Variants in DHRSX observed in about 807,000 individuals in gnomAD.
DHRSX encodes polyprenol dehydrogenase.
DHRSX carries 31 observed loss-of-function variants against 34.0 expected under a neutral mutation model. That is an observed-to-expected ratio of 0.91 (90% CI 0.69 to 1.23). DHRSX has a LOEUF of 1.23. Among genes scored for constraint, DHRSX ranks in the 50% most tolerant of loss-of-function variants. The pLI is 0.00. For synonymous variants in DHRSX, 201 were observed against 183.8 expected (o/e 1.09, Z -0.76); for missense variants, 414 against 428.1 (o/e 0.97, Z 0.29).
At chrX:2,325,589 G>C (rs2042376117) in intron 3 of DHRSX, among the ~76,000 whole-genome samples, 1 of 151,948 alleles carries the variant, frequency 6.6e-6, no homozygotes, top group South Asian at 2.1e-4. Flanking sequence ...CTTTCCTGTG[G>C]GCTATGTAAA....
In DHRSX at chrX:2,265,957, T is replaced by C. The variant is rs748087357; in HGVS notation, c.596+783A>G. Among the ~76,000 whole-genome samples, 19 of 137,974 alleles carry C rather than the reference T, an allele frequency of 1.4e-4. No individual in the cohort carries two copies. The East Asian group carries it at 2.8e-3, about 20-fold the overall frequency. 90.5% of individuals were successfully genotyped at this position (137,974 alleles called of 152,430 possible). On this transcript the variant is annotated intron_variant, in intron 5 of 6. Coordinates refer to ENST00000334651, the MANE Select transcript of DHRSX (RefSeq NM_145177.3). ...GGGAGCACTGTCCCCAGAGCACCAG[T>C]GTACAGCAGATGCAGGGAGCACTGT...
At chrX:2,430,691 A>T (rs1010172562) in intron 1 of DHRSX, among the ~76,000 whole-genome samples, 2 of 151,838 alleles carry the variant, frequency 1.3e-5, no homozygotes, top group African/African-American at 4.8e-5. Flanking sequence ...CTGGCCCATC[A>T]TGTTCCTTCT....
intron 1 of DHRSX, among the ~76,000 whole-genome samples, chrX:2,480,484 C>A (rs1476417625): frequency 6.9e-6 from 1 of 143,996 alleles, no homozygotes; most frequent in Non-Finnish European, 1.5e-5. Context: ...GAGTTTGAGA[C>A]AAGCCTGGGC....
intron 3 of DHRSX, among the ~76,000 whole-genome samples, chrX:2,292,402 C>T (rs1220190474): frequency 1.3e-5 from 2 of 152,166 alleles, no homozygotes; most frequent in Non-Finnish European, 2.9e-5. Context: ...AGTGAGACCC[C>T]GAAGAGAGAA....
intron 3 of DHRSX, among the ~76,000 whole-genome samples, chrX:2,341,364 G>A (rs2042637163): frequency 6.6e-6 from 1 of 152,082 alleles, no homozygotes; most frequent in African/African-American, 2.4e-5. Flanking sequence ...GTGCCTACAG[G>A]GACATGCTCC....
intron 3 of DHRSX, among the ~76,000 whole-genome samples, chrX:2,390,144 C>CTTTTT (rs575599788): frequency 7.8e-6 from 1 of 128,184 alleles, no homozygotes; most frequent in African/African-American, 3.0e-5. Flanking sequence ...GCATTTTAAC[C>CTTTTT]TTTTTTTTTT....
intron 5 of DHRSX, among the ~76,000 whole-genome samples, chrX:2,249,191 CTTTTT>C (rs541852639): frequency 8.9e-4 from 106 of 118,876 alleles, no homozygotes; most frequent in Middle Eastern, 4.4e-3. Context: ...AATCATAAAT[CTTTTT>C]TTTTTTTTTT....
chrX:2,499,144 G>C (rs2045350925), intron 1 of DHRSX, among the ~76,000 whole-genome samples: 1 of 152,084 alleles, frequency 6.6e-6, no homozygotes, highest in African/African-American at 2.4e-5. Context: ...AGTGGGTGCA[G>C]AGTGGAAGTC....
chrX:2,489,353 G>C (rs1180412880), intron 1 of DHRSX: 1 of 1,613,586 alleles, frequency 6.2e-7, no homozygotes, highest in Non-Finnish European at 8.5e-7. Flanking sequence ...GTAGGTCTTG[G>C]AAAGCTCCTT....
chrX:2,450,169 T>A (rs1249102118), intron 1 of DHRSX, among the ~76,000 whole-genome samples: 15 of 132,938 alleles, frequency 1.1e-4, no homozygotes, highest in Admixed American at 1.1e-3. Flanking sequence ...AATAAATAAA[T>A]AAAACACAGT....
chrX:2,484,484 C>G (rs957556203), intron 1 of DHRSX, among the ~76,000 whole-genome samples: 1 of 152,166 alleles, frequency 6.6e-6, no homozygotes. Context: ...AACCCGAAAG[C>G]TTCCCAGAAG....
chrX:2,376,761 T>C (rs2043144319), intron 3 of DHRSX, among the ~76,000 whole-genome samples: 3 of 151,900 alleles, frequency 2.0e-5, no homozygotes, highest in Admixed American at 2.0e-4. Flanking sequence ...TTTGGGAGGC[T>C]GAGGCAGGCA....
intron 6 of DHRSX, among the ~76,000 whole-genome samples, chrX:2,227,359 AAG>A (rs1358275283): frequency 1.7e-4 from 24 of 142,276 alleles, no homozygotes; most frequent in African/African-American, 7.1e-4. Context: ...GAAAAAGAGG[AAG>A]AAGAAAGGAG....
At chrX:2,403,149 C>T (rs1363620364) in intron 3 of DHRSX, among the ~76,000 whole-genome samples, 2 of 152,122 alleles carry the variant, frequency 1.3e-5, no homozygotes, top group East Asian at 1.9e-4. Flanking sequence ...TTCCAAAGTG[C>T]TGGGATTCAG....
intron 1 of DHRSX, among the ~76,000 whole-genome samples, chrX:2,425,901 G>A (rs2043840304): frequency 6.6e-6 from 1 of 152,138 alleles, no homozygotes. Flanking sequence ...GAACAGGCGA[G>A]TAGGCTTACA....
intron 3 of DHRSX, among the ~76,000 whole-genome samples, chrX:2,295,917 C>T (rs2041926438): frequency 6.6e-6 from 1 of 152,110 alleles, no homozygotes; most frequent in African/African-American, 2.4e-5. Flanking sequence ...TCCCTTCCTC[C>T]CATACGTAGC....
At chrX:2,283,911 CACTCATTCCTTT>C (rs2041767183) in intron 4 of DHRSX, among the ~76,000 whole-genome samples, 2 of 32,522 alleles carry the variant, frequency 6.1e-5, no homozygotes, top group Non-Finnish European at 1.5e-4. Context: ...CCTTTGAATT[CACTCATTCCTTT>C]GAATTCACTC....
chrX:2,321,095 T>G (rs1378973921), intron 3 of DHRSX, among the ~76,000 whole-genome samples: 1 of 152,174 alleles, frequency 6.6e-6, no homozygotes. Context: ...CTCTCATTCC[T>G]GGGCTTGTGG....
intron 4 of DHRSX, among the ~76,000 whole-genome samples, chrX:2,275,226 G>A (rs1245460759): frequency 1.3e-5 from 2 of 151,788 alleles, no homozygotes; most frequent in Non-Finnish European, 2.9e-5. Context: ...GGCTGGGCAC[G>A]GTGACTCACA....
Sources: allele counts gnomAD v4.1 joint callset (sites outside exome capture counted in the v4.1 genomes callset), GRCh38; gene constraint gnomAD v4.1.1; transcripts MANE v1.5; gene names NCBI Gene and HGNC (gene_info 2026-07-23, HGNC 2026-07-21).